ATP12A: variants seen among roughly 807,000 people sequenced by gnomAD.
ATP12A encodes the protein ATPase H+/K+ transporting non-gastric alpha2 subunit.
A neutral mutation model predicts 111.2 loss-of-function variants in ATP12A; 81 were observed. The ratio of observed to expected loss-of-function variants is 0.73; its 90% CI spans 0.61 to 0.88. The LOEUF (loss-of-function observed/expected upper bound fraction) is 0.88. Among genes scored for constraint, ATP12A ranks in the 40% least tolerant of loss-of-function variants. The probability of loss-of-function intolerance (pLI) is 0.00; values close to 1 mark genes in which losing one functional copy is unlikely to be tolerated. For missense variants in ATP12A, 1,196 were observed against 1,313.1 expected (o/e 0.91, Z 1.38); for synonymous variants, 498 against 499.8 (o/e 1.00, Z 0.05).
At chr13:24,701,361 TGTG>T in intron 13 of ATP12A, among the ~76,000 whole-genome samples, 1 of 151,770 alleles carries the variant, frequency 6.6e-6, no homozygotes, top group East Asian at 1.9e-4. Flanking sequence ...ATTAGCCAGA[TGTG>T]GTGGCACACA....
In ATP12A at chr13:24,707,073, A is replaced by G; in HGVS notation, c.2220A>G (p.Leu740=). 1 of 1,613,868 alleles carries G rather than the reference A, an allele frequency of 6.2e-7. No individual in the cohort carries two copies. The highest frequency in any genetic ancestry group is 8.5e-7 in the Non-Finnish European group (1 of 1,179,916). Residue 740 remains leucine (L), a synonymous_variant, in exon 16 of 23, where the codon CTA becomes CTG. Transcript: ENST00000381946. The part of the protein sequence containing the change: ...TGDGVNDSPA[L]KKADIGIAMG... ...ATGGAGTTAATGACTCTCCGGCTCT[A>G]AAGAAGGCAGACATTGGGATTGCCA...
chr13:24,708,223 A>G (rs189001625), intron 17 of ATP12A, among the ~76,000 whole-genome samples: 2 of 152,284 alleles, frequency 1.3e-5, no homozygotes, highest in African/African-American at 4.8e-5. Context: ...CCCTACAGTA[A>G]TGTCACCTAA....
At chr13:24,702,137 A>T in intron 14 of ATP12A, 66 bp downstream of exon 14, 1 of 1,595,118 alleles carries the variant, frequency 6.3e-7, no homozygotes, top group Non-Finnish European at 8.6e-7. Context: ...GGCTCTAAAG[A>T]GCTGCACTAC....
chr13:24,701,517 A>G (rs12855472), intron 13 of ATP12A, among the ~76,000 whole-genome samples: 10,199 of 148,010 alleles, frequency 0.069, 440 homozygotes, highest in Middle Eastern at 0.12. Context: ...AAAAAAAAAA[A>G]AAAGAAAGAA....
chr13:24,680,778 A>AG, intron 1 of ATP12A, 26 bp downstream of exon 1: 2 of 1,483,150 alleles, frequency 1.3e-6, no homozygotes, highest in Non-Finnish European at 1.8e-6. Flanking sequence ...GCGCCGGCCG[A>AG]GGATGCGAGA....
At chr13:24,709,950 T>C (rs894365869) in intron 19 of ATP12A, 122 bp downstream of exon 19, 125 of 1,410,330 alleles carry the variant, frequency 8.9e-5, no homozygotes, top group Non-Finnish European at 1.1e-4. Flanking sequence ...TTAATAGGGC[T>C]CAGGGCCCCC....
chr13:24,682,914 A>T (rs1874532867), intron 2 of ATP12A, among the ~76,000 whole-genome samples: 1 of 151,762 alleles, frequency 6.6e-6, no homozygotes, highest in South Asian at 2.1e-4. Context: ...GGGGAGTACA[A>T]TATTATTATT....
At position 24,710,605 on chromosome 13, in the gene ATP12A, G is replaced by A. The variant is rs140641280; in HGVS notation, c.2897+12G>A. 6.2e-7 allele frequency: 1 copy of A among 1,613,954 alleles called. No homozygotes were observed. Among genetic ancestry groups the A allele is most frequent in the Non-Finnish European group, 8.5e-7 (1 of 1,180,006 alleles). The stretch of plus-strand genomic sequence containing the variant: ...CAGGGTCTCTTCAGGTACTGCCTGT[G>A]CCCGGCCTCCTGGGGCAGCCCTGGG... On this transcript the variant is annotated intron_variant, in intron 20 of 22. Transcript: ENST00000381946.
chr13:24,705,121 C>T (rs1875569080), intron 14 of ATP12A, among the ~76,000 whole-genome samples: 1 of 152,112 alleles, frequency 6.6e-6, no homozygotes, highest in South Asian at 2.1e-4. Context: ...TCAAAACTTG[C>T]AAATTGTAAA....
At position 24,680,758 on chromosome 13, in the gene ATP12A, T is replaced by A; in HGVS notation, c.9+6T>A. ...ACCAGCCCAGCATGCACCAGGTGCG[T>A]GCAGCCCCCGCGCCGGCCGAGGATG... On this transcript the variant is annotated splice_donor_region_variant and intron_variant, in intron 1 of 22. Coordinates refer to ENST00000381946, the MANE Select transcript of ATP12A (RefSeq NM_001676.7). 6.7e-7 allele frequency: 1 copy of A among 1,495,930 alleles called. No homozygotes were observed. The allele number at this position is 1,495,930 out of a possible 1,614,324, so 92.7% of individuals were successfully genotyped here. A position where few individuals can be genotyped will look rare whatever the true frequency, so the allele number is the denominator to read the frequency against.
chr13:24,711,865 G>A lies in ATP12A; in HGVS notation c.*343G>A, dbSNP rs1593146653. 1 of 366,694 alleles carries A rather than the reference G, an allele frequency of 2.7e-6. No homozygotes were observed. Among genetic ancestry groups the A allele is most frequent in the East Asian group, 6.5e-5 (1 of 15,282 alleles). The allele number at this position is 366,694 out of a possible 1,614,324, so 22.7% of individuals were successfully genotyped here. ...AGGCATCTACTGGGGCCTGCCTTAAGCTCTAGCTAGGATTGCTCAGAACTC... is the reference window on the plus strand; with the variant it reads ...AGGCATCTACTGGGGCCTGCCTTAAACTCTAGCTAGGATTGCTCAGAACTC... On this transcript the variant is annotated 3_prime_UTR_variant, in exon 23 of 23. Coordinates refer to ENST00000381946, the MANE Select transcript of ATP12A (RefSeq NM_001676.7).
chr13:24,681,860 C>A (rs1874449041), intron 2 of ATP12A, 140 bp downstream of exon 2: 1 of 1,144,004 alleles, frequency 8.7e-7, no homozygotes, highest in Non-Finnish European at 1.2e-6. Flanking sequence ...TGTGTGGTGT[C>A]TGCGTGGTGT....
chr13:24,681,272 T>C (rs998202143), intron 1 of ATP12A, among the ~76,000 whole-genome samples: 4 of 150,860 alleles, frequency 2.7e-5, no homozygotes, highest in African/African-American at 4.9e-5. Context: ...CAGTCAGGAG[T>C]TGGGGGGGTA....
chr13:24,700,397 G>A (rs1172382314), intron 12 of ATP12A, among the ~76,000 whole-genome samples: 1 of 152,082 alleles, frequency 6.6e-6, no homozygotes, highest in Admixed American at 6.6e-5. Flanking sequence ...TAATCCTCCA[G>A]GCAGCTGAAA....
At chr13:24,681,845 T>TGTGGTGTGCGGTGTCTGC in intron 2 of ATP12A, 125 bp downstream of exon 2, 1 of 1,250,696 alleles carries the variant, frequency 8.0e-7, no homozygotes, top group Non-Finnish European at 1.1e-6. Flanking sequence ...TGAGATTGTG[T>TGTGGTGTGCGGTGTCTGC]GTGGTGTGTG....
Position 24,707,346 on chromosome 13 carries a change from G to C in ATP12A, c.2406G>C (p.Leu802=). 6.2e-7 allele frequency: 1 copy of C among 1,614,228 alleles called. No homozygotes were observed. The highest frequency in any genetic ancestry group is 8.5e-7 in the Non-Finnish European group (1 of 1,180,030). ...CCCTGACCAAGAACATTGCCGAGCT[G>C]TGCCCCTTTCTGATCTACATCATTG... ...AYSLTKNIAE[L]CPFLIYIIVG... The change falls in exon 17 of 23, where the codon CTG becomes CTC. Residue 802 remains leucine (L), a synonymous_variant. Transcript: ENST00000381946.
rs1379042670 is a variant in ATP12A at position 24,685,881 on chromosome 13, A to G, written c.228+508A>G. The stretch of plus-strand genomic sequence containing the variant: ...GAATCTGGGCTTGCCGGAAGCTAGT[A>G]TGTGTGGAGAGGGGACAGGTGCAGC... On this transcript the variant is annotated intron_variant, in intron 3 of 22. Coordinates refer to ENST00000381946, the MANE Select transcript of ATP12A (RefSeq NM_001676.7). This position sits in a 1 kb window ranked among gnomAD's most constrained non-coding sequence, Gnocchi z 5.5. 6.6e-6 allele frequency among the ~76,000 whole-genome samples: 1 copy of G among 152,206 alleles called. No individual in the cohort carries two copies. The highest frequency in any genetic ancestry group is 1.5e-5 in the Non-Finnish European group (1 of 68,032).
At chr13:24,683,346 G>A (rs942041264) in intron 2 of ATP12A, among the ~76,000 whole-genome samples, 3 of 152,312 alleles carry the variant, frequency 2.0e-5, no homozygotes, top group East Asian at 1.9e-4. Flanking sequence ...ACTTCTACAC[G>A]GAGCTTGAGA....
intron 12 of ATP12A, among the ~76,000 whole-genome samples, 188 bp downstream of exon 12, chr13:24,699,038 C>T (rs918876222): frequency 2.0e-5 from 3 of 152,128 alleles, no homozygotes; most frequent in Non-Finnish European, 4.4e-5. Flanking sequence ...GGGATGGCCT[C>T]CAGAGAGGCA....
Sources: allele counts gnomAD v4.1 joint callset (sites outside exome capture counted in the v4.1 genomes callset), GRCh38; gene constraint gnomAD v4.1.1; non-coding constraint Gnocchi (gnomAD v3.1); transcripts MANE v1.5; gene names NCBI Gene and HGNC (gene_info 2026-07-23, HGNC 2026-07-21).